The following NRG1 variants were observed in gnomAD, a reference collection of about 807,000 sequenced individuals.
NRG1 encodes the protein pro-neuregulin-1, membrane-bound isoform.
NRG1 carries 18 observed loss-of-function variants against 63.8 expected under a neutral mutation model. The observed-to-expected ratio is 0.28, with a 90% CI of 0.19 to 0.42. The LOEUF (loss-of-function observed/expected upper bound fraction) is 0.42, where lower values mean the gene tolerates loss of function less well. Ranked by LOEUF, NRG1 falls within the 10% of genes least tolerant of loss-of-function variation. NRG1 has a pLI of 1.00. For synonymous variants in NRG1, 302 were observed against 301.3 expected (o/e 1.00, Z -0.02); for missense variants, 762 against 814.7 (o/e 0.94, Z 0.79).
chr8:32,494,891 C>A (rs1050282369), intron 1 of NRG1, among the ~76,000 whole-genome samples: 1 of 152,090 alleles, frequency 6.6e-6, no homozygotes, highest in African/African-American at 2.4e-5. Context: ...CATAAAGTCA[C>A]AAAATGTGTA....
chr8:32,342,833 C>T (rs752752983), intron 1 of NRG1, among the ~76,000 whole-genome samples: 92 of 152,200 alleles, frequency 6.0e-4, no homozygotes, highest in Non-Finnish European at 1.1e-3. Flanking sequence ...CCTAATAATT[C>T]AGAATAAATG....
At chr8:32,342,955 A>C (rs1002577347) in intron 1 of NRG1, among the ~76,000 whole-genome samples, 1 of 152,218 alleles carries the variant, frequency 6.6e-6, no homozygotes, top group African/African-American at 2.4e-5. Context: ...CATGGGGATG[A>C]GATCTTTAAG....
chr8:31,927,356 G>A (rs149984771), intron 1 of NRG1, among the ~76,000 whole-genome samples: 9,787 of 151,552 alleles, frequency 0.065, 468 homozygotes, highest in Non-Finnish European at 0.097. Flanking sequence ...AGTAGTTCTT[G>A]GATGGGGCCC....
chr8:32,524,630 T>C (rs1830644376), intron 1 of NRG1, among the ~76,000 whole-genome samples: 1 of 152,146 alleles, frequency 6.6e-6, no homozygotes, highest in Non-Finnish European at 1.5e-5. Flanking sequence ...GACACCGGTT[T>C]TTCCTCCAGC....
At chr8:31,931,585 T>C (rs435904) in intron 1 of NRG1, among the ~76,000 whole-genome samples, 130,594 of 152,264 alleles carry the variant, frequency 0.86, 56,728 homozygotes, top group Non-Finnish European at 0.91. Context: ...GTCTAGAACG[T>C]ATTATGTACT....
Position 32,314,340 on chromosome 8 carries a change from A to G in NRG1, c.38-281488A>G, listed in dbSNP as rs979615117. On this transcript the variant is annotated intron_variant, in intron 1 of 10. Coordinates refer to the NRG1 transcript ENST00000519301. ...GTTCCCTTACCACTAAAGTGGAAAC[A>G]TGGATGTCTAAAGCTTTTTTACAGC... Among the ~76,000 whole-genome samples the G allele has an allele frequency of 7.2e-5, 11 of 152,326 alleles. 1 individual carries two copies. The South Asian group carries it at 1.2e-3, about 17-fold the overall frequency.
chr8:32,426,924 T>C (rs1304845517), intron 1 of NRG1, among the ~76,000 whole-genome samples: 1 of 152,180 alleles, frequency 6.6e-6, no homozygotes, highest in African/African-American at 2.4e-5. Flanking sequence ...TGTGTTTATA[T>C]TAACAATGTA....
chr8:32,100,433 TA>T lies in NRG1; in HGVS notation c.37+461005del, dbSNP rs539700137. Among the ~76,000 whole-genome samples the T allele has an allele frequency of 2.2e-3, 328 of 152,328 alleles. 2 individuals are homozygous for T. The highest frequency in any genetic ancestry group is 3.5e-3 in the Non-Finnish European group (241 of 68,032). ...TGAAGAAGCTGAAATTCTTATCAGT[TA>T]AATGTGTTGCTTTGGGCTTAGTAAT... On this transcript the variant is annotated intron_variant, in intron 1 of 10. Coordinates refer to the NRG1 transcript ENST00000519301.
At chr8:32,112,118 T>C (rs1042428233) in intron 1 of NRG1, among the ~76,000 whole-genome samples, 1 of 152,180 alleles carries the variant, frequency 6.6e-6, no homozygotes, top group Non-Finnish European at 1.5e-5. Context: ...AAAGCAATGC[T>C]CACAAGACAG....
intron 7 of NRG1, among the ~76,000 whole-genome samples, chr8:32,752,399 C>T (rs959969321): frequency 2.0e-5 from 3 of 152,220 alleles, no homozygotes; most frequent in Non-Finnish European, 4.4e-5. Flanking sequence ...TCCATGTCCT[C>T]ATCTGACTTT....
chr8:32,550,519 C>G (rs1156708130), intron 1 of NRG1, among the ~76,000 whole-genome samples: 1 of 152,130 alleles, frequency 6.6e-6, no homozygotes, highest in Non-Finnish European at 1.5e-5. Context: ...TGTAGATGGT[C>G]TAATGAATTA....
chr8:32,526,716 A>G (rs1830882890), intron 1 of NRG1, among the ~76,000 whole-genome samples: 1 of 152,196 alleles, frequency 6.6e-6, no homozygotes, highest in Non-Finnish European at 1.5e-5. Flanking sequence ...CCAAGTGATC[A>G]TCATACTCAA....
intron 1 of NRG1, among the ~76,000 whole-genome samples, chr8:32,165,427 A>G (rs927989987): frequency 6.6e-6 from 1 of 152,182 alleles, no homozygotes; most frequent in Admixed American, 6.5e-5. Flanking sequence ...TACAGGTATG[A>G]GCCACTGCAC....
At chr8:32,543,294 T>C (rs1588186233), upstream of NRG1, among the ~76,000 whole-genome samples, 1 of 152,274 alleles carries the variant, frequency 6.6e-6, no homozygotes, top group East Asian at 1.9e-4. Context: ...CATGTATGTC[T>C]ACATATGTAT....
At chr8:32,211,759 C>G (rs1175148638) in intron 1 of NRG1, among the ~76,000 whole-genome samples, 1 of 152,106 alleles carries the variant, frequency 6.6e-6, no homozygotes, top group Non-Finnish European at 1.5e-5. Context: ...TAGTTTCTTC[C>G]ATCACACAGC....
At chr8:31,753,765 T>G (rs1215915699) in intron 1 of NRG1, among the ~76,000 whole-genome samples, 1 of 152,084 alleles carries the variant, frequency 6.6e-6, no homozygotes, top group Non-Finnish European at 1.5e-5. Flanking sequence ...TTGCTCTTCT[T>G]GCCTCCCTGA....
intron 1 of NRG1, among the ~76,000 whole-genome samples, chr8:31,744,889 G>A (rs1563352216): frequency 6.6e-6 from 1 of 151,958 alleles, no homozygotes; most frequent in Admixed American, 6.6e-5. Context: ...CTTTCTGGCA[G>A]TGTGACATCA....
intron 1 of NRG1, among the ~76,000 whole-genome samples, chr8:32,363,015 C>A (rs1018579534): frequency 1.3e-5 from 2 of 152,170 alleles, no homozygotes; most frequent in Non-Finnish European, 2.9e-5. Flanking sequence ...ATGGGGTGTG[C>A]AATTAACTCT....
At chr8:32,210,332 G>A (rs1382272371) in intron 1 of NRG1, among the ~76,000 whole-genome samples, 1 of 152,080 alleles carries the variant, frequency 6.6e-6, no homozygotes, top group African/African-American at 2.4e-5. Flanking sequence ...GCAGAGCAAT[G>A]GCATCATCAC....
Sources: gnomAD v4.1 joint callset for allele counts (sites outside exome capture counted in the v4.1 genomes callset) on GRCh38, gnomAD v4.1.1 for gene constraint, MANE v1.5 for transcripts, NCBI Gene and HGNC (gene_info 2026-07-23, HGNC 2026-07-21) for gene names.